Variants in COL4A2 observed in about 807,000 individuals in gnomAD.
COL4A2 encodes collagen type IV alpha 2 chain.
A neutral mutation model predicts 200.2 loss-of-function variants in COL4A2; 99 were observed. That is an observed-to-expected ratio of 0.49 (90% CI 0.42 to 0.58). COL4A2 has a LOEUF of 0.58. Among genes scored for constraint, COL4A2 ranks in the 20% least tolerant of loss-of-function variants. COL4A2 has a pLI of 0.00. For missense variants in COL4A2, 1,950 were observed against 2,314.1 expected (o/e 0.84, Z 3.23); for synonymous variants, 897 against 900.6 (o/e 1.00, Z 0.07).
intron 4 of COL4A2, among the ~76,000 whole-genome samples, chr13:110,424,059 G>A (rs951688216): frequency 4.6e-5 from 7 of 152,104 alleles, no homozygotes; most frequent in Admixed American, 1.3e-4. Flanking sequence ...AAGTGGAATC[G>A]TGGGATCCCG....
intron 29 of COL4A2, 53 bp from the exon 30 acceptor site, chr13:110,477,950 G>T (rs900701066): frequency 8.5e-6 from 12 of 1,417,512 alleles, no homozygotes; most frequent in Admixed American, 7.8e-5. Flanking sequence ...GATGCTGTCT[G>T]TGATGAACAG....
chr13:110,340,881 T>G (rs940481940), intron 3 of COL4A2: 4 of 152,276 alleles, frequency 2.6e-5, no homozygotes, highest in African/African-American at 9.6e-5. Flanking sequence ...CAGAGGACTC[T>G]GTTCCTTTCT....
chr13:110,494,352 A>C (rs924529634), intron 39 of COL4A2, among the ~76,000 whole-genome samples: 1 of 152,190 alleles, frequency 6.6e-6, no homozygotes, highest in Non-Finnish European at 1.5e-5. Context: ...AGCTTCTTGG[A>C]ACTTCTTTAT....
chr13:110,505,099 C>G (rs781465587), intron 45 of COL4A2, among the ~76,000 whole-genome samples: 1 of 151,756 alleles, frequency 6.6e-6, no homozygotes, highest in African/African-American at 2.4e-5. Context: ...GCCTGTAATC[C>G]CAGCACTTTG....
At chr13:110,444,680 G>A (rs1302723298) in intron 16 of COL4A2, among the ~76,000 whole-genome samples, 1 of 152,162 alleles carries the variant, frequency 6.6e-6, no homozygotes, top group Non-Finnish European at 1.5e-5. Context: ...GTGGCATCTG[G>A]CATTCTGAAT....
At chr13:110,471,736 C>G (rs1336802563) in intron 28 of COL4A2, among the ~76,000 whole-genome samples, 1 of 152,214 alleles carries the variant, frequency 6.6e-6, no homozygotes, top group East Asian at 1.9e-4. Context: ...CAGGAGGTCC[C>G]CGGGCCCTGC....
chr13:110,434,179 G>A (rs1880786016), intron 11 of COL4A2, among the ~76,000 whole-genome samples: 1 of 152,130 alleles, frequency 6.6e-6, no homozygotes, highest in Non-Finnish European at 1.5e-5. Flanking sequence ...ACCACCTGGG[G>A]TCCAATCTCA....
In COL4A2 at chr13:110,438,615, T is replaced by C. The variant is rs1880995575; in HGVS notation, c.862-3T>C. The C allele has an allele frequency of 1.2e-6, 2 of 1,614,068 alleles. No individual in the cohort carries two copies. The highest frequency in any genetic ancestry group is 1.7e-5 in the Admixed American group (1 of 60,004). On this transcript the variant is annotated splice_polypyrimidine_tract_variant and splice_region_variant and intron_variant, in intron 14 of 47. Transcript: ENST00000360467. The stretch of plus-strand genomic sequence containing the variant: ...TCCTTACGCCCCCTCTGCTCTCTCC[T>C]AGGGCATTTCCTTGAAGGGAGAAGA...
chr13:110,398,070 CTCAAAAATCTAAA>C (rs1879242514), intron 4 of COL4A2, among the ~76,000 whole-genome samples: 1 of 150,934 alleles, frequency 6.6e-6, no homozygotes, highest in South Asian at 2.1e-4. Flanking sequence ...TTTAGAAAAA[CTCAAAAATCTAAA>C]TCAAAAATCA....
intron 3 of COL4A2, among the ~76,000 whole-genome samples, chr13:110,340,611 G>A (rs1377945232): frequency 6.6e-6 from 1 of 152,192 alleles, no homozygotes; most frequent in Non-Finnish European, 1.5e-5. Flanking sequence ...ACTTCTCCTA[G>A]CCCAGGGGCA....
rs1880402176 is a variant in COL4A2 at position 110,424,763 on chromosome 13, G to A, written c.210G>A (p.Gly70=). The change falls in exon 5 of 48, where the codon GGG becomes GGA. Residue 70 remains glycine, a synonymous_variant. Coordinates refer to ENST00000360467, the MANE Select transcript of COL4A2 (RefSeq NM_001846.4). ...RGQPGPVGPQ[G]YNGPPGLQGF... ...AGCCTGGGCCAGTGGGCCCCCAGGG[G>A]TACAATGGGCCACCAGGATTACAAG... 1.9e-6 allele frequency: 3 copies of A among 1,611,418 alleles called. No individual in the cohort carries two copies. Among genetic ancestry groups the A allele is most frequent in the East Asian group, 4.5e-5 (2 of 44,838 alleles).
intron 4 of COL4A2, among the ~76,000 whole-genome samples, chr13:110,393,865 T>A (rs899117513): frequency 1.1e-4 from 16 of 151,816 alleles, no homozygotes; most frequent in African/African-American, 2.7e-4. Context: ...GGCAAGGGAG[T>A]GAGATGCTGT....
intron 3 of COL4A2, among the ~76,000 whole-genome samples, chr13:110,349,398 C>T (rs1594162120): frequency 6.6e-6 from 1 of 152,302 alleles, no homozygotes; most frequent in Non-Finnish European, 1.5e-5. Context: ...GAAGGCAACA[C>T]GATACTCTCT....
intron 3 of COL4A2, among the ~76,000 whole-genome samples, chr13:110,323,700 A>G (rs898361334): frequency 5.3e-5 from 8 of 152,218 alleles, no homozygotes; most frequent in Admixed American, 5.2e-4. Context: ...CACAGGCCCC[A>G]GGTGGCTCCC....
intron 30 of COL4A2, among the ~76,000 whole-genome samples, chr13:110,479,362 GA>G (rs1882811980): frequency 6.6e-6 from 1 of 152,292 alleles, no homozygotes. Flanking sequence ...AGGCAGGTCA[GA>G]GCAAGCCCAA....
intron 30 of COL4A2, among the ~76,000 whole-genome samples, chr13:110,479,875 C>T (rs1882836990): frequency 6.6e-6 from 1 of 152,220 alleles, no homozygotes; most frequent in South Asian, 2.1e-4. Context: ...CAGGCCAGCT[C>T]TTGACTAACC....
chr13:110,454,770 G>A (rs889484634), intron 20 of COL4A2, among the ~76,000 whole-genome samples: 3 of 151,998 alleles, frequency 2.0e-5, no homozygotes, highest in South Asian at 2.1e-4. Flanking sequence ...CTGGTCACTC[G>A]CTCGTTTCCT....
chr13:110,392,041 T>A (rs1169070720), intron 4 of COL4A2, among the ~76,000 whole-genome samples: 1 of 151,880 alleles, frequency 6.6e-6, no homozygotes, highest in South Asian at 2.1e-4. Context: ...TGGAGGGGAG[T>A]GGTAACAAAG....
chr13:110,401,946 A>G (rs1566513424), intron 4 of COL4A2, among the ~76,000 whole-genome samples: 1 of 152,016 alleles, frequency 6.6e-6, no homozygotes, highest in Non-Finnish European at 1.5e-5. Context: ...TGAGGACATC[A>G]CTCTAATGAC....
Sources: allele counts gnomAD v4.1 joint callset (sites outside exome capture counted in the v4.1 genomes callset), GRCh38; gene constraint gnomAD v4.1.1; transcripts MANE v1.5; gene names NCBI Gene and HGNC (gene_info 2026-07-23, HGNC 2026-07-21).